The following SLIT2 variants were observed in gnomAD, a reference collection of about 807,000 sequenced individuals.
The protein encoded by SLIT2 is slit guidance ligand 2, also known as slit homolog 2 protein.
A neutral mutation model predicts 185.7 loss-of-function variants in SLIT2; 41 were observed. The observed-to-expected ratio is 0.22, with a 90% CI of 0.17 to 0.29. The LOEUF is 0.29. Ranked by LOEUF, SLIT2 falls within the 10% of genes least tolerant of loss-of-function variation. SLIT2 has a pLI of 1.00. For missense variants in SLIT2, 1,571 were observed against 1,909.0 expected (o/e 0.82, Z 3.30); for synonymous variants, 693 against 680.2 (o/e 1.02, Z -0.29).
intron 4 of SLIT2, among the ~76,000 whole-genome samples, chr4:20,355,930 C>T (rs1352862924): frequency 6.6e-6 from 1 of 151,822 alleles, no homozygotes. Flanking sequence ...AAATCTGATG[C>T]ATACATTTGA....
chr4:20,290,743 C>A (rs1350746582), intron 4 of SLIT2, among the ~76,000 whole-genome samples: 1 of 142,938 alleles, frequency 7.0e-6, no homozygotes. Context: ...GTTTTGTCAG[C>A]CTGTTTTCAT....
chr4:20,373,636 A>T (rs900618993), intron 4 of SLIT2, among the ~76,000 whole-genome samples: 4 of 152,136 alleles, frequency 2.6e-5, no homozygotes, highest in African/African-American at 9.7e-5. Context: ...CCTTAGCATT[A>T]ATTTACTCAC....
chr4:20,359,889 G>A (rs577414465), intron 4 of SLIT2, among the ~76,000 whole-genome samples: 3 of 152,092 alleles, frequency 2.0e-5, no homozygotes, highest in African/African-American at 7.2e-5. Flanking sequence ...TGGCTTGATA[G>A]AATGAGGAAG....
chr4:20,590,780 G>A (rs1727455446), intron 30 of SLIT2, among the ~76,000 whole-genome samples: 1 of 152,166 alleles, frequency 6.6e-6, no homozygotes, highest in African/African-American at 2.4e-5. Context: ...CAGTAGTTTA[G>A]AGATCATCTA....
At chr4:20,519,883 T>G (rs550867080) in intron 12 of SLIT2, among the ~76,000 whole-genome samples, 1 of 151,450 alleles carries the variant, frequency 6.6e-6, no homozygotes, top group Non-Finnish European at 1.5e-5. Flanking sequence ...AACAAAAAAT[T>G]AGCCGGGCGT....
intron 4 of SLIT2, among the ~76,000 whole-genome samples, chr4:20,359,293 G>A (rs1330345036): frequency 1.3e-5 from 2 of 152,048 alleles, no homozygotes; most frequent in African/African-American, 4.8e-5. Context: ...ACAGATGGAT[G>A]TGTGAACAAC....
chr4:20,366,068 A>G (rs201986653), intron 4 of SLIT2, among the ~76,000 whole-genome samples: 2 of 152,240 alleles, frequency 1.3e-5, no homozygotes, highest in East Asian at 1.9e-4. Context: ...CGCTGGCTTC[A>G]GGCATGTCTG....
intron 11 of SLIT2, among the ~76,000 whole-genome samples, chr4:20,518,555 A>G (rs1187893777): frequency 8.6e-5 from 2 of 23,276 alleles, no homozygotes; most frequent in Non-Finnish European, 1.7e-4. Context: ...CCCAGCCTAT[A>G]TGTATATATA....
At chr4:20,542,734 T>G in intron 21 of SLIT2, 108 bp downstream of exon 21, 1 of 1,186,838 alleles carries the variant, frequency 8.4e-7, no homozygotes, top group Admixed American at 2.1e-5. Flanking sequence ...CAAATCATAT[T>G]CTAAGGCCAG....
chr4:20,256,596 A>T (rs549678656), intron 1 of SLIT2, 76 bp from the exon 2 acceptor site: 2 of 739,840 alleles, frequency 2.7e-6, no homozygotes, highest in South Asian at 3.5e-5. Context: ...TTTAGTTCTG[A>T]TTTACTCTAA....
At chr4:20,411,289 A>AT (rs1236371924) in intron 4 of SLIT2, among the ~76,000 whole-genome samples, 1 of 152,222 alleles carries the variant, frequency 6.6e-6, no homozygotes, top group Non-Finnish European at 1.5e-5. Context: ...ATATTAGTAG[A>AT]TAACACTTAC....
intron 4 of SLIT2, among the ~76,000 whole-genome samples, chr4:20,279,626 A>C (rs1246111340): frequency 6.6e-6 from 1 of 152,172 alleles, no homozygotes; most frequent in African/African-American, 2.4e-5. Context: ...CAAGCGCCTC[A>C]GTTTTTCCTT....
Position 20,620,224 on chromosome 4 carries a change from TGG to T in SLIT2, c.*1219_*1220del. 1 of 321,048 alleles carries T rather than the reference TGG, an allele frequency of 3.1e-6. No homozygotes were observed. Among genetic ancestry groups the T allele is most frequent in the Non-Finnish European group, 6.0e-6 (1 of 166,728 alleles). 19.9% of individuals were successfully genotyped at this position (321,048 alleles called of 1,614,324 possible). On this transcript the variant is annotated 3_prime_UTR_variant, in exon 37 of 37. Coordinates refer to ENST00000504154, the MANE Select transcript of SLIT2 (RefSeq NM_004787.4). The stretch of plus-strand genomic sequence containing the variant: ...GTCCTTGACCTTTTTTGCCCTTTTG[TGG>T]GGGTGAGGTGGGGATAAAAAGACTG...
At chr4:20,482,116 T>A (rs1408947407) in intron 6 of SLIT2, among the ~76,000 whole-genome samples, 2 of 152,012 alleles carry the variant, frequency 1.3e-5, no homozygotes, top group African/African-American at 4.8e-5. Context: ...TTCACAGTAG[T>A]GGTTTCATGG....
At position 20,257,844 on chromosome 4, in the gene SLIT2, A is replaced by C. The variant is rs201059892; in HGVS notation, c.252-24A>C. ...CAGATGGTGAGTGGTAACATTAAGA[A>C]GCATGTTATATTTTGCATTTCAGTC... is the stretch of plus-strand genomic sequence containing the variant. On this transcript the variant is annotated intron_variant, in intron 2 of 36. Transcript: ENST00000504154. The C allele has an allele frequency of 3.3e-6, 4 of 1,227,716 alleles. No homozygotes were observed. In the East Asian group the frequency reaches 9.4e-5, roughly 29 times the overall value. 76.1% of individuals were successfully genotyped at this position (1,227,716 alleles called of 1,614,324 possible). A position where few individuals can be genotyped will look rare whatever the true frequency, so the allele number is the denominator to read the frequency against.
At chr4:20,574,979 A>G (rs943203735) in intron 29 of SLIT2, among the ~76,000 whole-genome samples, 1 of 152,094 alleles carries the variant, frequency 6.6e-6, no homozygotes, top group East Asian at 1.9e-4. Context: ...AACATGTGCT[A>G]TTCTCTGTGG....
chr4:20,513,650 T>C (rs1453459763), intron 11 of SLIT2, among the ~76,000 whole-genome samples: 1 of 152,064 alleles, frequency 6.6e-6, no homozygotes, highest in Non-Finnish European at 1.5e-5. Flanking sequence ...ACATAAAATT[T>C]ACCTATATTT....
chr4:20,538,946 T>C (rs778063354), intron 18 of SLIT2, among the ~76,000 whole-genome samples: 6 of 152,150 alleles, frequency 3.9e-5, no homozygotes, highest in Admixed American at 6.5e-5. Context: ...TCTGTCCATT[T>C]TGGCGCCCCT....
intron 4 of SLIT2, among the ~76,000 whole-genome samples, chr4:20,340,358 C>T (rs1242665094): frequency 6.6e-6 from 1 of 152,010 alleles, no homozygotes; most frequent in East Asian, 1.9e-4. Context: ...ATCAAAAATC[C>T]CTGGACATAT....
Sources: gnomAD v4.1 joint callset for allele counts (sites outside exome capture counted in the v4.1 genomes callset) on GRCh38, gnomAD v4.1.1 for gene constraint, MANE v1.5 for transcripts, NCBI Gene and HGNC (gene_info 2026-07-23, HGNC 2026-07-21) for gene names.